The following SMYD3 variants were observed in gnomAD, a reference collection of about 807,000 sequenced individuals.
The protein encoded by SMYD3 is SET and MYND domain containing 3.
SMYD3 carries 36 observed loss-of-function variants against 57.7 expected under a neutral mutation model. The ratio of observed to expected loss-of-function variants is 0.62; its 90% confidence interval spans 0.48 to 0.82. SMYD3 has a LOEUF of 0.82. SMYD3 is among the 40% of genes least tolerant of loss of function. SMYD3 has a pLI of 0.00. For synonymous variants in SMYD3, 211 were observed against 195.0 expected (o/e 1.08, Z -0.68); for missense variants, 515 against 538.8 (o/e 0.96, Z 0.44).
At chr1:245,763,608 G>A (rs1572268651) in intron 11 of SMYD3, among the ~76,000 whole-genome samples, 1 of 152,000 alleles carries the variant, frequency 6.6e-6, no homozygotes, top group Admixed American at 6.5e-5. Flanking sequence ...GCGGGGAGAA[G>A]TGGCTGCAAA....
At chr1:246,425,390 T>C (rs973941056) in intron 1 of SMYD3, among the ~76,000 whole-genome samples, 3 of 152,154 alleles carry the variant, frequency 2.0e-5, no homozygotes, top group Non-Finnish European at 4.4e-5. Context: ...CTGGAGTATC[T>C]TCTACATCTC....
chr1:245,751,536 G>A (rs11582827), intron 11 of SMYD3, among the ~76,000 whole-genome samples: 27 of 144,516 alleles, frequency 1.9e-4, no homozygotes, highest in African/African-American at 3.8e-4. Context: ...GAGAGAAAGA[G>A]AGAGAAAGAG....
chr1:245,990,769 A>G (rs2058797120), intron 5 of SMYD3, among the ~76,000 whole-genome samples: 2 of 152,214 alleles, frequency 1.3e-5, no homozygotes, highest in African/African-American at 4.8e-5. Context: ...ATTTTAGTCC[A>G]GTGGGACTCA....
intron 5 of SMYD3, among the ~76,000 whole-genome samples, chr1:246,216,202 G>A (rs915294432): frequency 1.3e-5 from 2 of 150,910 alleles, no homozygotes; most frequent in African/African-American, 2.4e-5. Context: ...CAGGAGAATC[G>A]CTTGAACCCG....
intron 5 of SMYD3, among the ~76,000 whole-genome samples, chr1:246,109,617 A>T (rs2061195458): frequency 6.6e-6 from 1 of 152,246 alleles, no homozygotes; most frequent in African/African-American, 2.4e-5. Context: ...ACCTGCATTT[A>T]AAAATTCAGC....
intron 1 of SMYD3, among the ~76,000 whole-genome samples, chr1:246,496,326 G>A (rs12730698): frequency 0.4 from 61,001 of 151,414 alleles, 13,982 homozygotes; most frequent in East Asian, 0.71. Context: ...GAGCCACCAC[G>A]CCTGGCCAGT....
At chr1:245,792,860 C>T (rs184187811) in intron 10 of SMYD3, among the ~76,000 whole-genome samples, 26 of 152,234 alleles carry the variant, frequency 1.7e-4, no homozygotes, top group African/African-American at 4.6e-4. Flanking sequence ...TGGCTCAGCT[C>T]GGTCATCTCA....
chr1:246,067,852 A>G (rs1416158534), intron 5 of SMYD3, among the ~76,000 whole-genome samples: 1 of 152,172 alleles, frequency 6.6e-6, no homozygotes, highest in Admixed American at 6.5e-5. Context: ...GGAGAGGCTG[A>G]GGTCCGTCAG....
intron 5 of SMYD3, among the ~76,000 whole-genome samples, chr1:246,298,853 T>C (rs2064842281): frequency 6.6e-6 from 1 of 152,066 alleles, no homozygotes; most frequent in Non-Finnish European, 1.5e-5. Flanking sequence ...ACTTCATGAT[T>C]TCAAACCCAC....
chr1:246,364,652 A>T (rs2066069079), intron 1 of SMYD3, among the ~76,000 whole-genome samples: 1 of 152,196 alleles, frequency 6.6e-6, no homozygotes, highest in Non-Finnish European at 1.5e-5. Flanking sequence ...CAGGTACCTC[A>T]CCCCTGAAAG....
At chr1:245,994,224 G>T (rs917249408) in intron 5 of SMYD3, among the ~76,000 whole-genome samples, 1 of 152,144 alleles carries the variant, frequency 6.6e-6, no homozygotes, top group Non-Finnish European at 1.5e-5. Flanking sequence ...CTAAAGCCAG[G>T]AAAATCTGCC....
intron 8 of SMYD3, among the ~76,000 whole-genome samples, chr1:245,866,176 G>A (rs1036353227): frequency 6.6e-6 from 1 of 152,156 alleles, no homozygotes; most frequent in Non-Finnish European, 1.5e-5. Context: ...AAAGGGAGGG[G>A]CAGAGCACCA....
intron 5 of SMYD3, among the ~76,000 whole-genome samples, chr1:246,278,492 A>T (rs964554402): frequency 6.6e-6 from 1 of 152,210 alleles, no homozygotes; most frequent in Non-Finnish European, 1.5e-5. Context: ...AATAAAGTAC[A>T]TGGTCATGTG....
intron 10 of SMYD3, among the ~76,000 whole-genome samples, chr1:245,830,071 G>C (rs2049744931): frequency 6.6e-6 from 1 of 152,126 alleles, no homozygotes; most frequent in African/African-American, 2.4e-5. Context: ...TATGCTAAAA[G>C]CCACTGAGTA....
chr1:246,244,076 T>C (rs2063664448), intron 5 of SMYD3, among the ~76,000 whole-genome samples: 1 of 142,718 alleles, frequency 7.0e-6, no homozygotes, highest in Admixed American at 7.2e-5. Context: ...TAAAAAAACA[T>C]TTTATTTCAT....
At chr1:245,992,399 T>C (rs549793644) in intron 5 of SMYD3, among the ~76,000 whole-genome samples, 11 of 152,366 alleles carry the variant, frequency 7.2e-5, no homozygotes, top group South Asian at 4.1e-4. Flanking sequence ...GCAGGAATCA[T>C]TGGGATCAGG....
At chr1:246,130,267 G>C (rs543719972) in intron 5 of SMYD3, among the ~76,000 whole-genome samples, 3 of 152,052 alleles carry the variant, frequency 2.0e-5, no homozygotes, top group East Asian at 3.9e-4. Context: ...GATCATTTAG[G>C]GTTGTCCAAC....
intron 1 of SMYD3, among the ~76,000 whole-genome samples, chr1:246,378,875 TTA>T (rs1481894545): frequency 7.6e-6 from 1 of 131,120 alleles, no homozygotes; most frequent in African/African-American, 2.9e-5. Flanking sequence ...TATAAATATA[TTA>T]TATATATAAA....
intron 5 of SMYD3, among the ~76,000 whole-genome samples, chr1:246,186,496 T>A (rs879440929): frequency 6.6e-6 from 1 of 152,044 alleles, no homozygotes; most frequent in Non-Finnish European, 1.5e-5. Flanking sequence ...CATTTCAAAG[T>A]CTTTCCTCAC....
Sources: allele counts gnomAD v4.1 joint callset (sites outside exome capture counted in the v4.1 genomes callset), GRCh38; gene constraint gnomAD v4.1.1; transcripts MANE v1.5; gene names NCBI Gene and HGNC (gene_info 2026-07-23, HGNC 2026-07-21).